Variants in SEC24A observed in about 807,000 individuals in gnomAD.
The protein encoded by SEC24A is protein transport protein Sec24A.
Under a neutral mutation model 129.4 loss-of-function variants are expected in SEC24A, and 93 were observed. The observed-to-expected ratio is 0.72, with a 90% CI of 0.61 to 0.85. The LOEUF (loss-of-function observed/expected upper bound fraction) is 0.85. SEC24A is among the 40% of genes least tolerant of loss of function. The pLI is 0.00. For synonymous variants in SEC24A, 460 were observed against 467.3 expected (o/e 0.98, Z 0.20); for missense variants, 1,264 against 1,307.4 (o/e 0.97, Z 0.51).
Position 134,675,076 on chromosome 5 carries a change from G to A in SEC24A, c.1010G>A (p.Ser337Asn), listed in dbSNP as rs750773117. 2 of 1,609,840 alleles carry A rather than the reference G, an allele frequency of 1.2e-6. No homozygotes were observed. The highest frequency in any genetic ancestry group is 2.2e-5 in the South Asian group (2 of 90,576). ...TTAGGTGCTAATCATTTAACCACAA[G>A]CATGAGTGGATTAAGTCTACAACCA... is the stretch of plus-strand genomic sequence containing the variant. Reference protein sequence around the residue: ...TPLGANHLTTSMSGLSLQPEG... With the variant: ...TPLGANHLTTNMSGLSLQPEG... Residue 337 changes from serine to asparagine, a missense_variant, in exon 6 of 23, where the codon AGC becomes AAC. Transcript: ENST00000398844.
intron 13 of SEC24A, among the ~76,000 whole-genome samples, chr5:134,695,295 C>T (rs1023402195): frequency 6.6e-6 from 1 of 151,770 alleles, no homozygotes; most frequent in African/African-American, 2.4e-5. Context: ...TCACTTGAGC[C>T]CAGGAGGCTG....
chr5:134,718,653 A>T (rs1752545375), intron 20 of SEC24A, among the ~76,000 whole-genome samples: 1 of 152,148 alleles, frequency 6.6e-6, no homozygotes, highest in African/African-American at 2.4e-5. Flanking sequence ...TTAACAAAAC[A>T]ATTTAAAAAG....
At position 134,666,774 on chromosome 5, in the gene SEC24A, C is replaced by T. The variant is rs757908065; in HGVS notation, c.566-49C>T. The T allele has an allele frequency of 3.9e-6, 6 of 1,528,964 alleles. No homozygotes were observed. In the Admixed American group the frequency reaches 6.9e-5, roughly 18 times the overall value. The allele number at this position is 1,528,964 out of a possible 1,614,324, so 94.7% of individuals were successfully genotyped here. On this transcript the variant is annotated intron_variant, in intron 2 of 22. Transcript: ENST00000398844. ...GCTTTGGTAAAAGGCTGATTTTGGC[C>T]ATAGTCTTGAGTTCTCAAGTGACGT... is the stretch of plus-strand genomic sequence containing the variant.
chr5:134,674,189 TA>T (rs1397324991), intron 4 of SEC24A, among the ~76,000 whole-genome samples: 3 of 152,194 alleles, frequency 2.0e-5, no homozygotes, highest in Non-Finnish European at 2.9e-5. Context: ...TGCTATTTGT[TA>T]CTGGTGTTTG....
intron 2 of SEC24A, among the ~76,000 whole-genome samples, chr5:134,666,385 G>A (rs1750659069): frequency 6.6e-6 from 1 of 152,090 alleles, no homozygotes; most frequent in Non-Finnish European, 1.5e-5. Context: ...GTGAAACCCT[G>A]GCTGTACTAA....
At chr5:134,692,974 A>G in intron 12 of SEC24A, 1 of 1,380,526 alleles carries the variant, frequency 7.2e-7, no homozygotes, top group South Asian at 1.2e-5. Flanking sequence ...TCTGGTCACT[A>G]CATAGAAGCA....
chr5:134,674,327 G>A (rs763645607), intron 4 of SEC24A, among the ~76,000 whole-genome samples: 2 of 151,986 alleles, frequency 1.3e-5, no homozygotes, highest in Non-Finnish European at 2.9e-5. Flanking sequence ...GGTGGCCTAC[G>A]CCTGTAATCC....
chr5:134,676,180 C>G (rs1240950549), intron 7 of SEC24A, 55 bp downstream of exon 7: 1 of 1,358,174 alleles, frequency 7.4e-7, no homozygotes, highest in Non-Finnish European at 1.0e-6. Context: ...CCCTCTGTCG[C>G]CCAGGCTGGA....
chr5:134,686,144 A>G (rs1751443035), intron 9 of SEC24A, among the ~76,000 whole-genome samples: 1 of 152,208 alleles, frequency 6.6e-6, no homozygotes. Context: ...TAAAACACAA[A>G]ATATTCAGAT....
At chr5:134,673,525 A>C (rs1258234637) in intron 4 of SEC24A, among the ~76,000 whole-genome samples, 1 of 151,940 alleles carries the variant, frequency 6.6e-6, no homozygotes, top group Non-Finnish European at 1.5e-5. Context: ...TGCAGTGGGC[A>C]CAATCTCGGC....
intron 1 of SEC24A, among the ~76,000 whole-genome samples, chr5:134,654,268 T>C (rs986956806): frequency 6.6e-5 from 10 of 152,024 alleles, no homozygotes; most frequent in Non-Finnish European, 1.3e-4. Context: ...TCACCCAGGC[T>C]GGAGTGCAGT....
rs565349000 is a variant in SEC24A at position 134,725,425 on chromosome 5, A to G, written c.*331A>G. ...TAAAATAAAGATTTCTGTGTTCTACATGTATATTTCTCATTTTTAATTTTT... is the reference window on the plus strand; with the variant it reads ...TAAAATAAAGATTTCTGTGTTCTACGTGTATATTTCTCATTTTTAATTTTT... On this transcript the variant is annotated 3_prime_UTR_variant, in exon 23 of 23. Transcript: ENST00000398844. 2.3e-3 allele frequency: 400 copies of G among 170,956 alleles called. 2 individuals are homozygous for G. The highest frequency in any genetic ancestry group is 3.2e-3 in the Non-Finnish European group (261 of 80,572). The allele number at this position is 170,956 out of a possible 1,614,324, so 10.6% of individuals were successfully genotyped here.
At chr5:134,653,662 C>G (rs1750141229) in intron 1 of SEC24A, among the ~76,000 whole-genome samples, 1 of 151,834 alleles carries the variant, frequency 6.6e-6, no homozygotes, top group South Asian at 2.1e-4. Context: ...CCCAAGAATT[C>G]AAGACCACCC....
chr5:134,715,802 A>C (rs1752459794), intron 19 of SEC24A, among the ~76,000 whole-genome samples: 1 of 150,680 alleles, frequency 6.6e-6, no homozygotes, highest in African/African-American at 2.4e-5. Context: ...ATGTATGCCT[A>C]TATATCAAAC....
intron 12 of SEC24A, chr5:134,693,516 G>T: frequency 1.4e-6 from 2 of 1,422,110 alleles, no homozygotes; most frequent in Non-Finnish European, 1.8e-6. Context: ...TGCAAGAACT[G>T]TAAGGCCCAA....
At chr5:134,655,640 C>G (rs2150068014) in intron 1 of SEC24A, among the ~76,000 whole-genome samples, 1 of 152,118 alleles carries the variant, frequency 6.6e-6, no homozygotes, top group Non-Finnish European at 1.5e-5. Flanking sequence ...TGCACTGCAG[C>G]CTGGGCGACA....
At chr5:134,693,177 T>G (rs374536752) in intron 12 of SEC24A, 4 of 1,533,524 alleles carry the variant, frequency 2.6e-6, no homozygotes, top group East Asian at 4.9e-5. Context: ...GGTAACATTT[T>G]AACTAGCAAG....
intron 18 of SEC24A, among the ~76,000 whole-genome samples, chr5:134,713,215 G>GC (rs1368739083): frequency 6.6e-6 from 1 of 152,158 alleles, no homozygotes; most frequent in Non-Finnish European, 1.5e-5. Context: ...ATAGGCGTGA[G>GC]CCACCGCGCC....
Position 134,718,144 on chromosome 5 carries a change from G to A in SEC24A, c.2941G>A (p.Asp981Asn). Residue 981 changes from aspartate (D) to asparagine (N), a missense_variant, in exon 20 of 23, where the codon GAT becomes AAT. Physicochemically the swap from Asp to Asn is conservative, Grantham distance 23. Coordinates refer to ENST00000398844, the MANE Select transcript of SEC24A (RefSeq NM_021982.3). ...LQLSVEKLSR[D>N]GAFLMDAGSV... Reference sequence around the variant, plus strand: ...GCTTTCAGTGGAGAAGCTGAGCAGAGATGGAGCTTTCCTCATGGATGCAGG... The same window carrying A: ...GCTTTCAGTGGAGAAGCTGAGCAGAAATGGAGCTTTCCTCATGGATGCAGG... The A allele has an allele frequency of 1.2e-6, 2 of 1,614,080 alleles. No individual in the cohort carries two copies.
Sources: allele counts gnomAD v4.1 joint callset (sites outside exome capture counted in the v4.1 genomes callset), GRCh38; gene constraint gnomAD v4.1.1; transcripts MANE v1.5; gene names NCBI Gene and HGNC (gene_info 2026-07-23, HGNC 2026-07-21).